PTPRM: variants seen among roughly 807,000 people sequenced by gnomAD.
PTPRM encodes the protein receptor-type tyrosine-protein phosphatase mu.
Under a neutral mutation model 186.7 loss-of-function variants are expected in PTPRM, and 47 were observed. The observed-to-expected ratio is 0.25, with a 90% CI of 0.20 to 0.32. The LOEUF (loss-of-function observed/expected upper bound fraction) is 0.32, where lower values mean the gene tolerates loss of function less well. PTPRM is among the 10% of genes least tolerant of loss of function. The pLI is 1.00. For synonymous variants in PTPRM, 668 were observed against 674.9 expected (o/e 0.99, Z 0.16); for missense variants, 1,494 against 1,865.0 (o/e 0.80, Z 3.66).
chr18:7,643,041 A>G (rs1459948975), intron 1 of PTPRM, among the ~76,000 whole-genome samples: 1 of 151,878 alleles, frequency 6.6e-6, no homozygotes, highest in Non-Finnish European at 1.5e-5. Context: ...ATATTTTATA[A>G]AATTTAAATA....
intron 1 of PTPRM, among the ~76,000 whole-genome samples, chr18:7,577,132 C>T (rs1484023090): frequency 6.6e-6 from 1 of 151,884 alleles, no homozygotes; most frequent in African/African-American, 2.4e-5. Context: ...CTCCAATAAC[C>T]TTAACAATAG....
intron 11 of PTPRM, among the ~76,000 whole-genome samples, chr18:8,094,481 C>T (rs1338423926): frequency 1.3e-5 from 2 of 151,910 alleles, no homozygotes; most frequent in Non-Finnish European, 2.9e-5. Flanking sequence ...ACCTGTAATC[C>T]CAGCACTTTG....
chr18:8,333,685 C>G (rs183631020), intron 22 of PTPRM, among the ~76,000 whole-genome samples: 1 of 152,308 alleles, frequency 6.6e-6, no homozygotes, highest in Non-Finnish European at 1.5e-5. Context: ...ATGAATGCCT[C>G]TCAGGCTCAT....
Position 7,567,842 on chromosome 18 carries a change from G to A in PTPRM, c.24G>A (p.Leu8=), listed in dbSNP as rs1310581247. ...CCATGAGGGGACTTGGGACTTGCCT[G>A]GCGACTTTGGCCGGACTTTTGCTAA... MRGLGTC[L]ATLAGLLLTA... The change falls in exon 1 of 33, where the codon CTG becomes CTA. Residue 8 remains leucine (L), a synonymous_variant. Transcript: ENST00000580170. The surrounding 1 kb of genome is among the most constrained non-coding windows in gnomAD (Gnocchi z 4.3). 10 of 1,564,090 alleles carry A rather than the reference G, an allele frequency of 6.4e-6. No homozygotes were observed. Among genetic ancestry groups the A allele is most frequent in the Non-Finnish European group, 8.6e-6 (10 of 1,158,898 alleles).
intron 1 of PTPRM, among the ~76,000 whole-genome samples, chr18:7,742,675 T>C (rs533460524): frequency 6.6e-6 from 1 of 152,252 alleles, no homozygotes; most frequent in East Asian, 1.9e-4. Flanking sequence ...CCCCAGTCTC[T>C]ACAAAAAGTG....
intron 19 of PTPRM, chr18:8,269,858 C>G (rs368775197): frequency 6.6e-6 from 1 of 151,932 alleles, no homozygotes; most frequent in Non-Finnish European, 1.5e-5. Context: ...TTGGGTTGCT[C>G]TCTTATACTC....
At chr18:8,340,001 A>T (rs962484015) in intron 22 of PTPRM, among the ~76,000 whole-genome samples, 12 of 152,138 alleles carry the variant, frequency 7.9e-5, no homozygotes, top group Admixed American at 7.9e-4. Flanking sequence ...AACCCCACAA[A>T]AAACAGGATT....
chr18:8,294,038 G>A (rs2155754), intron 19 of PTPRM, among the ~76,000 whole-genome samples: 31 of 152,238 alleles, frequency 2.0e-4, no homozygotes, highest in African/African-American at 6.0e-4. Flanking sequence ...ATCACTTGAG[G>A]TAAGGAGTTC....
At chr18:7,815,327 T>C (rs1418688099) in intron 2 of PTPRM, 1 of 152,240 alleles carries the variant, frequency 6.6e-6, no homozygotes, top group Non-Finnish European at 1.5e-5. Context: ...AGCCTGGCAA[T>C]ACTCTTTGTC....
chr18:7,694,956 G>T (rs1372888769), intron 1 of PTPRM, among the ~76,000 whole-genome samples: 1 of 152,196 alleles, frequency 6.6e-6, no homozygotes, highest in Admixed American at 6.5e-5. Flanking sequence ...CTTAGCTCCT[G>T]TGCTAAGTCT....
intron 2 of PTPRM, among the ~76,000 whole-genome samples, chr18:7,869,367 A>G (rs1291745987): frequency 6.6e-6 from 1 of 152,134 alleles, no homozygotes; most frequent in Admixed American, 6.5e-5. Flanking sequence ...GGTTGCAAAG[A>G]CTGTGGGAAA....
At chr18:7,976,202 G>T (rs779009058) in intron 7 of PTPRM, among the ~76,000 whole-genome samples, 3 of 151,940 alleles carry the variant, frequency 2.0e-5, no homozygotes, top group Non-Finnish European at 4.4e-5. Context: ...AAAAAAGAAC[G>T]TTTCTCTGTC....
chr18:8,247,131 T>C (rs1207185574), intron 15 of PTPRM, among the ~76,000 whole-genome samples: 2 of 152,210 alleles, frequency 1.3e-5, no homozygotes, highest in East Asian at 3.8e-4. Context: ...AAAAAAATTA[T>C]TCTATCAAGG....
At chr18:7,652,052 A>G (rs1310066603) in intron 1 of PTPRM, among the ~76,000 whole-genome samples, 1 of 152,266 alleles carries the variant, frequency 6.6e-6, no homozygotes, top group African/African-American at 2.4e-5. Context: ...AAACAAATTT[A>G]CAAGGAAAAA....
At chr18:7,883,302 C>A (rs1049553143) in intron 2 of PTPRM, among the ~76,000 whole-genome samples, 2 of 152,052 alleles carry the variant, frequency 1.3e-5, no homozygotes, top group Admixed American at 1.3e-4. Flanking sequence ...TGCATTACCT[C>A]GCAGTCAAAA....
chr18:7,736,405 C>T lies in PTPRM; in HGVS notation c.74-37744C>T, dbSNP rs192019946. ...CATGATCTCAGCTCACTGCAACCTCCGCCTTCTGGGCTCAAGCAATTCTCC... is the reference window on the plus strand; with the variant it reads ...CATGATCTCAGCTCACTGCAACCTCTGCCTTCTGGGCTCAAGCAATTCTCC... On this transcript the variant is annotated intron_variant, in intron 1 of 32. Coordinates refer to ENST00000580170, the MANE Select transcript of PTPRM (RefSeq NM_001105244.2). 7.9e-3 allele frequency among the ~76,000 whole-genome samples: 1,198 copies of T among 152,214 alleles called. 7 individuals are homozygous for T. The highest frequency in any genetic ancestry group is 0.014 in the Middle Eastern group (4 of 294).
In PTPRM at chr18:8,306,237, A is replaced by G. The variant is rs1382726067; in HGVS notation, c.2843-8544A>G. The stretch of plus-strand genomic sequence containing the variant: ...AGGGGAACTAACTGTACTGTGTTCC[A>G]GGCACCTGATAATACTATGCATTAT... On this transcript the variant is annotated intron_variant, in intron 20 of 32. Transcript: ENST00000580170. Among the ~76,000 whole-genome samples the G allele has an allele frequency of 2.0e-5, 3 of 152,144 alleles. 1 individual carries two copies. Among genetic ancestry groups the G allele is most frequent in the South Asian group, 4.1e-4 (2 of 4,834 alleles).
At chr18:8,123,276 C>T (rs2092238524) in intron 13 of PTPRM, among the ~76,000 whole-genome samples, 1 of 152,206 alleles carries the variant, frequency 6.6e-6, no homozygotes, top group African/African-American at 2.4e-5. Flanking sequence ...GAAGCAGAAA[C>T]TACTTTCTAT....
chr18:7,583,350 A>C (rs2036894686), intron 1 of PTPRM, among the ~76,000 whole-genome samples: 1 of 152,170 alleles, frequency 6.6e-6, no homozygotes, highest in Admixed American at 6.5e-5. Flanking sequence ...GGGTTTATGG[A>C]ACTGAGGCCT....
Sources: gnomAD v4.1 joint callset for allele counts (sites outside exome capture counted in the v4.1 genomes callset) on GRCh38, gnomAD v4.1.1 for gene constraint, Gnocchi (gnomAD v3.1) non-coding constraint, MANE v1.5 for transcripts, NCBI Gene and HGNC (gene_info 2026-07-23, HGNC 2026-07-21) for gene names.